The following DUSP11 variants were observed in gnomAD, a reference collection of about 807,000 sequenced individuals.
The protein encoded by DUSP11 is dual specificity phosphatase 11.
Under a neutral mutation model 41.4 loss-of-function variants are expected in DUSP11, and 27 were observed. The ratio of observed to expected loss-of-function variants is 0.65; its 90% confidence interval spans 0.48 to 0.90. The LOEUF (loss-of-function observed/expected upper bound fraction) is 0.90, where lower values mean the gene tolerates loss of function less well. Ranked by LOEUF, DUSP11 falls within the 40% of genes least tolerant of loss-of-function variation. The probability of loss-of-function intolerance (pLI) is 0.00; values close to 1 mark genes in which losing one functional copy is unlikely to be tolerated. For synonymous variants in DUSP11, 188 were observed against 159.3 expected (o/e 1.18, Z -1.35); for missense variants, 465 against 461.1 (o/e 1.01, Z -0.08).
At chr2:73,768,688 G>A (rs1222686344) in intron 5 of DUSP11, 1 of 985,062 alleles carries the variant, frequency 1.0e-6, no homozygotes, top group African/African-American at 1.7e-5. Context: ...CAGGCGCGGT[G>A]GCTCACTCCT....
rs551690143 is a variant in DUSP11, at chr2:73,774,618, C to A, written c.450+295G>T. Among the ~76,000 whole-genome samples the A allele has an allele frequency of 2.6e-5, 4 of 152,324 alleles. No individual in the cohort carries two copies. The South Asian group carries it at 8.3e-4, about 32-fold the overall frequency. On this transcript the variant is annotated intron_variant, in intron 3 of 8. Transcript: ENST00000272444. ...ATTTGTCTATTCTAGGTACTTCATA[C>A]AAGTGGAATCATATATTTGTCCTTC...
At chr2:73,780,131 G>A (rs1168930033) in exon 1 of DUSP11, 1 of 1,553,050 alleles carries the variant, frequency 6.4e-7, no homozygotes, top group Non-Finnish European at 8.7e-7. Flanking sequence ...ACCGCCGGTC[G>A]TGATGGCGTA....
At chr2:73,762,721 C>G (rs1558531269) in exon 9 of DUSP11, 2 of 1,613,728 alleles carry the variant, frequency 1.2e-6, no homozygotes, top group Admixed American at 1.7e-5. Flanking sequence ...AAGGATACCA[C>G]CTTCTTCTAT....
chr2:73,777,408 C>T (rs1001475640), intron 2 of DUSP11, among the ~76,000 whole-genome samples: 1 of 152,224 alleles, frequency 6.6e-6, no homozygotes, highest in African/African-American at 2.4e-5. Context: ...TGATACTAAT[C>T]TGAGCTATGC....
exon 7 of DUSP11, chr2:73,766,852 T>A (rs1210179713): frequency 1.2e-6 from 2 of 1,613,104 alleles, no homozygotes; most frequent in African/African-American, 2.7e-5. Flanking sequence ...ATTCTGAAGG[T>A]CTTCAATGTA....
At chr2:73,766,441 G>C in exon 8 of DUSP11, 3 of 1,612,258 alleles carry the variant, frequency 1.9e-6, no homozygotes, top group East Asian at 2.2e-5. Flanking sequence ...GCAAACTTTG[G>C]GTCTGGGTGT....
intron 4 of DUSP11, among the ~76,000 whole-genome samples, chr2:73,771,496 T>G (rs972811528): frequency 9.2e-5 from 14 of 151,986 alleles, no homozygotes; most frequent in Non-Finnish European, 2.1e-4. Flanking sequence ...CTGTCTTTTT[T>G]GTTCTTTTTT....
At chr2:73,764,147 G>A (rs536093067) in intron 8 of DUSP11, among the ~76,000 whole-genome samples, 2 of 152,224 alleles carry the variant, frequency 1.3e-5, no homozygotes, top group East Asian at 3.9e-4. Flanking sequence ...ATTTCCTTAA[G>A]TCTCAGAATG....
At chr2:73,779,028 G>T (rs929954722) in intron 1 of DUSP11, among the ~76,000 whole-genome samples, 3 of 152,134 alleles carry the variant, frequency 2.0e-5, no homozygotes, top group Non-Finnish European at 2.9e-5. Context: ...GCGGGCGCCT[G>T]TAATCCCAGC....
At chr2:73,771,797 C>T (rs563177582) in intron 4 of DUSP11, among the ~76,000 whole-genome samples, 45 of 148,274 alleles carry the variant, frequency 3.0e-4, no homozygotes, top group Non-Finnish European at 5.1e-4. Context: ...CCATCGCGCC[C>T]GGCTTTTTTG....
intron 6 of DUSP11, 31 bp from the exon 7 acceptor site, chr2:73,766,934 T>C: frequency 6.3e-7 from 1 of 1,585,232 alleles, no homozygotes; most frequent in Non-Finnish European, 8.6e-7. Context: ...TAGAAATAAC[T>C]GTACAAAAAG....
chr2:73,765,360 G>T (rs1672441889), intron 8 of DUSP11, among the ~76,000 whole-genome samples: 1 of 152,210 alleles, frequency 6.6e-6, no homozygotes, highest in African/African-American at 2.4e-5. Context: ...ACCCTTACCA[G>T]ATTCCCAGGC....
rs1228880430 is a variant in DUSP11 at position 73,767,278 on chromosome 2, C to T, written c.636-71G>A. The T allele has an allele frequency of 2.7e-6, 3 of 1,129,744 alleles. No homozygotes were observed. The African/African-American group carries it at 4.7e-5, about 18-fold the overall frequency. 70.0% of individuals were successfully genotyped at this position (1,129,744 alleles called of 1,614,324 possible). A position where few individuals can be genotyped will look rare whatever the true frequency, so the allele number is the denominator to read the frequency against. ...AAATCAAGTTTTTTCAAAAAAGGTC[C>T]AATTTCAACTTATAGACATAGATAT... is the stretch of plus-strand genomic sequence containing the variant. On this transcript the variant is annotated intron_variant, in intron 5 of 8. Coordinates refer to ENST00000272444, the Ensembl canonical transcript of DUSP11.
At chr2:73,766,036 G>A (rs866707699) in intron 8 of DUSP11, among the ~76,000 whole-genome samples, 8 of 152,308 alleles carry the variant, frequency 5.3e-5, no homozygotes, top group Middle Eastern at 3.4e-3. Flanking sequence ...TCGGCCAGGC[G>A]CGGTGGCTCA....
At chr2:73,778,743 G>A (rs1399140279) in intron 1 of DUSP11, among the ~76,000 whole-genome samples, 1 of 152,058 alleles carries the variant, frequency 6.6e-6, no homozygotes, top group Non-Finnish European at 1.5e-5. Context: ...TTCACTTCAC[G>A]CTTTTAGTTT....
intron 1 of DUSP11, 170 bp downstream of exon 1, chr2:73,779,704 T>A: frequency 2.1e-6 from 2 of 964,960 alleles, no homozygotes; most frequent in East Asian, 2.6e-5. Context: ...ATCACAGACA[T>A]CGCCCCTTTC....
At chr2:73,764,726 G>C in intron 8 of DUSP11, among the ~76,000 whole-genome samples, 1 of 152,170 alleles carries the variant, frequency 6.6e-6, no homozygotes, top group Admixed American at 6.5e-5. Context: ...CAGCACTTTG[G>C]GAGGCCGAGG....
At chr2:73,769,491 T>C (rs1169228218) in intron 4 of DUSP11, among the ~76,000 whole-genome samples, 166 bp from the exon 5 acceptor site, 1 of 152,172 alleles carries the variant, frequency 6.6e-6, no homozygotes, top group Non-Finnish European at 1.5e-5. Flanking sequence ...CTGGGAAACT[T>C]TGCATAGTCC....
At chr2:73,763,441 G>A (rs1293265995) in intron 8 of DUSP11, among the ~76,000 whole-genome samples, 1 of 152,126 alleles carries the variant, frequency 6.6e-6, no homozygotes, top group Non-Finnish European at 1.5e-5. Context: ...AGAAAATTTG[G>A]GGCTGGGCGT....
Sources: gnomAD v4.1 joint callset for allele counts (sites outside exome capture counted in the v4.1 genomes callset) on GRCh38, gnomAD v4.1.1 for gene constraint, MANE v1.5 for transcripts, NCBI Gene and HGNC (gene_info 2026-07-23, HGNC 2026-07-21) for gene names.